Variants in JAK3 observed in about 807,000 individuals in gnomAD.
JAK3 encodes the protein Janus kinase 3.
In JAK3, 88 loss-of-function variants were observed where a neutral mutation model predicts 120.8. That is an observed-to-expected ratio of 0.73 (90% CI 0.61 to 0.87). The LOEUF (loss-of-function observed/expected upper bound fraction) is 0.87. Ranked by LOEUF, JAK3 falls within the 40% of genes least tolerant of loss-of-function variation. The pLI, the probability that JAK3 is intolerant of heterozygous loss-of-function variation, is 0.00. For missense variants in JAK3, 1,254 were observed against 1,501.4 expected, an observed-to-expected ratio of 0.84 and a Z score of 2.72; for synonymous variants, 592 against 628.6, an observed-to-expected ratio of 0.94 and a Z score of 0.87.
intron 1 of JAK3, 53 bp downstream of exon 1, chr19:17,847,893 C>T (rs2094256092): frequency 4.5e-6 from 4 of 892,116 alleles, no homozygotes; most frequent in Non-Finnish European, 4.1e-6. Flanking sequence ...CCCCCGCCAC[C>T]ACCATCCTCC....
rs3212777 is a variant in JAK3 at position 17,831,128 on chromosome 19, A to G, written c.2978+100T>C. 253,051 of 1,284,046 alleles carry G rather than the reference A, an allele frequency of 0.2. 26,025 individuals are homozygous for G. The highest frequency in any genetic ancestry group is 0.38 in the Admixed American group (18,016 of 47,978). 79.5% of individuals were successfully genotyped at this position (1,284,046 alleles called of 1,614,324 possible). ...GCTGCAGCGGAGGAAGGGCGGGGCT[A>G]AGGCTGGGGAGCAAAGCAGCGGGAG... On this transcript the variant is annotated intron_variant, in intron 21 of 23. Transcript: ENST00000458235. The surrounding 1 kb of genome is among the most constrained non-coding windows in gnomAD (Gnocchi z 5.1).
Position 17,831,796 on chromosome 19 carries a change from G to T in JAK3, c.2683C>A (p.Arg895Ser). The T allele has an allele frequency of 6.2e-7, 1 of 1,612,786 alleles. No individual in the cohort carries two copies. Among genetic ancestry groups the T allele is most frequent in the Non-Finnish European group, 8.5e-7 (1 of 1,179,850 alleles). ...KYRGVSYGPGRQSLRLVMEYL... is the reference protein window; with the variant it reads ...KYRGVSYGPGSQSLRLVMEYL... ...TCCATGACCAGCCGCAGGCTCTGGCGGCCTGGAGAAGGCAGGATCTGTCAC... is the reference window on the plus strand; with the variant it reads ...TCCATGACCAGCCGCAGGCTCTGGCTGCCTGGAGAAGGCAGGATCTGTCAC... Residue 895 changes from arginine to serine, a missense_variant and splice_region_variant, in exon 20 of 24, where the codon CGC becomes AGC. By Grantham distance (110) the Arg-to-Ser change is moderately radical (BLOSUM62 -1). Transcript: ENST00000458235. The surrounding 1 kb of genome is among the most constrained non-coding windows in gnomAD (Gnocchi z 5.1).
At chr19:17,828,793 G>A (rs949153419) in intron 23 of JAK3, among the ~76,000 whole-genome samples, 14 of 152,202 alleles carry the variant, frequency 9.2e-5, no homozygotes, top group African/African-American at 3.4e-4. Flanking sequence ...TTTGGCCTGA[G>A]CAAATTAATT....
chr19:17,842,944 G>A lies in JAK3; in HGVS notation c.566+83C>T. ...CTGAAAGCTTGCAGGAGAACTCCAT[G>A]GTGGGAGCCCGGCAAAGCCCCGATG... On this transcript the variant is annotated intron_variant, in intron 5 of 23. Coordinates refer to ENST00000458235, the MANE Select transcript of JAK3 (RefSeq NM_000215.4). This position sits in a 1 kb window ranked among gnomAD's most constrained non-coding sequence, Gnocchi z 6.4. 1 of 1,569,652 alleles carries A rather than the reference G, an allele frequency of 6.4e-7. No individual in the cohort carries two copies. The highest frequency in any genetic ancestry group is 8.7e-7 in the Non-Finnish European group (1 of 1,152,888).
intron 15 of JAK3, 32 bp downstream of exon 15, chr19:17,835,041 TGCCCTGCTCA>T: frequency 1.2e-6 from 2 of 1,614,128 alleles, no homozygotes; most frequent in Non-Finnish European, 1.7e-6. Flanking sequence ...TCCACTTCCT[TGCCCTGCTCA>T]GCCCCTCCCT....
intron 13 of JAK3, among the ~76,000 whole-genome samples, chr19:17,836,278 CT>C (rs936046548): frequency 1.5e-4 from 22 of 150,390 alleles, no homozygotes; most frequent in Non-Finnish European, 2.8e-4. Context: ...CTGTATCTCA[CT>C]TTTTTTTTTC....
chr19:17,830,656 T>C (rs371684165), intron 21 of JAK3, 36 bp from the exon 22 acceptor site: 15 of 1,556,564 alleles, frequency 9.6e-6, no homozygotes, highest in Middle Eastern at 1.7e-4. Flanking sequence ...TGCGAGGGTG[T>C]AGAAAGGACA....
intron 13 of JAK3, 30 bp from the exon 14 acceptor site, chr19:17,836,081 G>GGA: frequency 6.2e-7 from 1 of 1,611,806 alleles, no homozygotes; most frequent in Non-Finnish European, 8.5e-7. Context: ...GGCGGGGTTG[G>GGA]GAGACTGAAC....
chr19:17,838,712 A>ACTT (rs1555744745), intron 10 of JAK3, among the ~76,000 whole-genome samples: 1 of 99,336 alleles, frequency 1.0e-5, no homozygotes, highest in African/African-American at 3.7e-5. Flanking sequence ...TGCCCGGCTA[A>ACTT]TTTTTTTTTT....
In JAK3 at chr19:17,842,651, G is replaced by A. The variant is rs1412878565; in HGVS notation, c.567-41C>T. ...GGGAGGGAGCCGGCCCTCAGCGTCG[G>A]GAGGGGTCCCCGCGGGGACACACAC... On this transcript the variant is annotated intron_variant, in intron 5 of 23. Coordinates refer to ENST00000458235, the MANE Select transcript of JAK3 (RefSeq NM_000215.4). The surrounding 1 kb of genome is among the most constrained non-coding windows in gnomAD (Gnocchi z 6.4). The A allele has an allele frequency of 1.3e-6, 2 of 1,510,962 alleles. No homozygotes were observed. Among genetic ancestry groups the A allele is most frequent in the Non-Finnish European group, 1.8e-6 (2 of 1,125,370 alleles). The allele number at this position is 1,510,962 out of a possible 1,614,324, so 93.6% of individuals were successfully genotyped here.
chr19:17,842,756 G>T lies in JAK3; in HGVS notation c.567-146C>A. 1.0e-6 allele frequency: 1 copy of T among 955,672 alleles called. No homozygotes were observed. Among genetic ancestry groups the T allele is most frequent in the Non-Finnish European group, 1.5e-6 (1 of 654,258 alleles). The allele number at this position is 955,672 out of a possible 1,614,324, so 59.2% of individuals were successfully genotyped here. ...ACACACAGACTCTCATTCAGGGTCA[G>T]GTATGAGGACCGGACCTCAGAGTAG... On this transcript the variant is annotated intron_variant, in intron 5 of 23. Coordinates refer to ENST00000458235, the MANE Select transcript of JAK3 (RefSeq NM_000215.4). The surrounding 1 kb of genome is among the most constrained non-coding windows in gnomAD (Gnocchi z 6.4).
At position 17,831,849 on chromosome 19, in the gene JAK3, C is replaced by G; in HGVS notation, c.2681-51G>C. The G allele has an allele frequency of 1.2e-6, 2 of 1,605,444 alleles. No homozygotes were observed. On this transcript the variant is annotated intron_variant, in intron 19 of 23. Coordinates refer to ENST00000458235, the MANE Select transcript of JAK3 (RefSeq NM_000215.4). The surrounding 1 kb of genome is among the most constrained non-coding windows in gnomAD (Gnocchi z 5.1). ...CAGGGCCCAGCCCTGCTCGTCCCCC[C>G]ATTCTTCCCCCCTTTCACAGTGGGA...
At chr19:17,834,816 G>A (rs1248617630) in intron 16 of JAK3, 36 bp downstream of exon 16, 2 of 1,613,632 alleles carry the variant, frequency 1.2e-6, no homozygotes, top group Admixed American at 1.7e-5. Flanking sequence ...GTCAAAGTGG[G>A]GGTTCGGAGA....
chr19:17,835,106 C>A lies in JAK3; in HGVS notation c.2024G>T (p.Ser675Ile). Reference protein sequence around the residue: ...PFIKLSDPGVSPAVLSLEMLT... With the variant: ...PFIKLSDPGVIPAVLSLEMLT... ...ACTCTCCAGGCTTAACACAGCGGGG[C>A]TGACCCCAGGGTCACTCAGCTTGAT... The change falls in exon 15 of 24, where the codon AGC becomes ATC. Residue 675 changes from serine to isoleucine, a missense_variant. Coordinates refer to ENST00000458235, the MANE Select transcript of JAK3 (RefSeq NM_000215.4). 1 of 1,614,210 alleles carries A rather than the reference C, an allele frequency of 6.2e-7. No homozygotes were observed. Among genetic ancestry groups the A allele is most frequent in the Non-Finnish European group, 8.5e-7 (1 of 1,180,040 alleles).
chr19:17,837,360 A>C, intron 12 of JAK3, 147 bp from the exon 13 acceptor site: 1 of 701,620 alleles, frequency 1.4e-6, no homozygotes. Context: ...ACACAGCACT[A>C]CCATGATTTT....
At chr19:17,840,177 A>T in intron 9 of JAK3, 53 bp downstream of exon 9, 1 of 1,224,420 alleles carries the variant, frequency 8.2e-7, no homozygotes, top group Middle Eastern at 1.9e-4. Context: ...TCTCAATTCA[A>T]ACGTCACCTC....
At position 17,835,284 on chromosome 19, in the gene JAK3, C is replaced by T. The variant is rs1007827079; in HGVS notation, c.1915-69G>A. ...AATGAAGAGTCTGTTTGGCAAACTCCTATACATCCTTCAAAACCCACTTGG... is the reference window on the plus strand; with the variant it reads ...AATGAAGAGTCTGTTTGGCAAACTCTTATACATCCTTCAAAACCCACTTGG... On this transcript the variant is annotated intron_variant, in intron 14 of 23. Coordinates refer to ENST00000458235, the MANE Select transcript of JAK3 (RefSeq NM_000215.4). The T allele has an allele frequency of 7.6e-6, 12 of 1,569,118 alleles. No homozygotes were observed. The African/African-American group carries it at 1.2e-4, about 16-fold the overall frequency.
In JAK3 at chr19:17,831,789, C is replaced by G. The variant is rs1425135866; in HGVS notation, c.2690G>C (p.Ser897Thr). ...CAGGTACTCCATGACCAGCCGCAGG[C>G]TCTGGCGGCCTGGAGAAGGCAGGAT... Reference protein sequence around the residue: ...RGVSYGPGRQSLRLVMEYLPS... With the variant: ...RGVSYGPGRQTLRLVMEYLPS... The change falls in exon 20 of 24, where the codon AGC becomes ACC. Residue 897 changes from serine (S) to threonine (T), a missense_variant. By Grantham distance (58) the Ser-to-Thr change is moderately conservative. Coordinates refer to ENST00000458235, the MANE Select transcript of JAK3 (RefSeq NM_000215.4). This position sits in a 1 kb window ranked among gnomAD's most constrained non-coding sequence, Gnocchi z 5.1. 1 of 1,612,820 alleles carries G rather than the reference C, an allele frequency of 6.2e-7. No individual in the cohort carries two copies. The highest frequency in any genetic ancestry group is 1.1e-5 in the South Asian group (1 of 91,078).
In JAK3 at chr19:17,825,754, AGCCGGGTGTGGTG is replaced by A. The variant is rs2094202750; in HGVS notation, c.*976_*988del. 6.3e-6 allele frequency: 1 copy of A among 157,924 alleles called. No homozygotes were observed. Among genetic ancestry groups the A allele is most frequent in the Non-Finnish European group, 1.4e-5 (1 of 71,294 alleles). The allele number at this position is 157,924 out of a possible 1,614,324, so 9.8% of individuals were successfully genotyped here. On this transcript the variant is annotated 3_prime_UTR_variant, in exon 24 of 24. Transcript: ENST00000458235. ...GTCTCTACTAAAAATACAAAAAATT[AGCCGGGTGTGGTG>A]GCGGGCGCCTGTAGTCCCAGCTACT...
Sources: gnomAD v4.1 joint callset for allele counts (sites outside exome capture counted in the v4.1 genomes callset) on GRCh38, gnomAD v4.1.1 for gene constraint, Gnocchi (gnomAD v3.1) non-coding constraint, MANE v1.5 for transcripts, NCBI Gene and HGNC (gene_info 2026-07-23, HGNC 2026-07-21) for gene names.